LRFN5: variants seen among roughly 807,000 people sequenced by gnomAD.
LRFN5 encodes leucine-rich repeat and fibronectin type-III domain-containing protein 5.
Under a neutral mutation model 45.6 loss-of-function variants are expected in LRFN5, and 24 were observed. The observed-to-expected ratio is 0.53, with a 90% CI of 0.38 to 0.74. The LOEUF (loss-of-function observed/expected upper bound fraction) is 0.74. LRFN5 is among the 30% of genes least tolerant of loss of function. The probability of loss-of-function intolerance (pLI) is 0.00; values close to 1 mark genes in which losing one functional copy is unlikely to be tolerated. For synonymous variants in LRFN5, 340 were observed against 313.8 expected (o/e 1.08, Z -0.88); for missense variants, 776 against 861.5 (o/e 0.90, Z 1.24).
chr14:41,733,051 T>TA (rs1400106040), intron 1 of LRFN5, among the ~76,000 whole-genome samples: 211 of 141,444 alleles, frequency 1.5e-3, no homozygotes, highest in East Asian at 7.2e-3. Flanking sequence ...AAAAGAAAGT[T>TA]AAAAAAAAAA....
At chr14:41,884,759 G>T (rs1181029100) in intron 2 of LRFN5, among the ~76,000 whole-genome samples, 1 of 152,094 alleles carries the variant, frequency 6.6e-6, no homozygotes, top group African/African-American at 2.4e-5. Flanking sequence ...CAGGTTGGGG[G>T]CTCAGATGTT....
intron 1 of LRFN5, among the ~76,000 whole-genome samples, chr14:41,667,375 A>G (rs34764744): frequency 0.066 from 10,076 of 152,222 alleles, 473 homozygotes; most frequent in South Asian, 0.092. Context: ...TAAAGTTGTT[A>G]TATTTTAGCA....
intron 1 of LRFN5, among the ~76,000 whole-genome samples, chr14:41,716,931 AC>A (rs1260755075): frequency 2.0e-5 from 3 of 152,134 alleles, no homozygotes; most frequent in Non-Finnish European, 2.9e-5. Context: ...GTCAGAGCCC[AC>A]CATGGAATCC....
In LRFN5 at chr14:41,887,300, A is replaced by T; in HGVS notation, c.675A>T (p.Ser225=). The change falls in exon 3 of 6, where the codon TCA becomes TCT. Residue 225 remains serine (S), a synonymous_variant. Transcript: ENST00000298119. This position sits in a 1 kb window ranked among gnomAD's most constrained non-coding sequence, Gnocchi z 4.8. ...AGCGAGCTCAGGTACTAGCAACCTC[A>T]GGAATCATAAGCCCATCTACTTTTG... ...LFQRAQVLAT[S]GIISPSTFAL... The T allele has an allele frequency of 6.2e-7, 1 of 1,614,232 alleles. No individual in the cohort carries two copies. The highest frequency in any genetic ancestry group is 2.2e-5 in the East Asian group (1 of 44,874).
chr14:41,767,802 T>G (rs1885940625), intron 2 of LRFN5, among the ~76,000 whole-genome samples: 1 of 152,204 alleles, frequency 6.6e-6, no homozygotes. Flanking sequence ...TTATTTATGG[T>G]CATAGGATTT....
intron 3 of LRFN5, 34 bp from the exon 4 acceptor site, chr14:41,891,216 T>TA: frequency 6.4e-7 from 1 of 1,551,930 alleles, no homozygotes; most frequent in Non-Finnish European, 8.8e-7. Flanking sequence ...TTTGTTTTGT[T>TA]ATTAATATTA....
At chr14:41,784,177 T>C (rs1311988494) in intron 2 of LRFN5, among the ~76,000 whole-genome samples, 4 of 152,152 alleles carry the variant, frequency 2.6e-5, no homozygotes, top group Non-Finnish European at 5.9e-5. Context: ...ACTTGATATA[T>C]TCCAAATGTA....
intron 2 of LRFN5, among the ~76,000 whole-genome samples, chr14:41,781,462 T>C (rs538848598): frequency 1.4e-5 from 2 of 141,486 alleles, no homozygotes; most frequent in East Asian, 2.1e-4. Flanking sequence ...CATGGCACTG[T>C]AGTGAGACCC....
chr14:41,791,464 A>G (rs539913395), intron 2 of LRFN5, among the ~76,000 whole-genome samples: 2 of 152,172 alleles, frequency 1.3e-5, no homozygotes, highest in Admixed American at 1.3e-4. Flanking sequence ...ATAGGCAGTA[A>G]TAGGTAACAA....
intron 1 of LRFN5, among the ~76,000 whole-genome samples, chr14:41,723,448 G>A (rs143675425): frequency 1.3e-3 from 199 of 152,266 alleles, no homozygotes; most frequent in Middle Eastern, 3.4e-3. Context: ...GAGGAAGACA[G>A]GGCCTTCTTG....
At chr14:41,676,283 A>G (rs1261430380) in intron 1 of LRFN5, among the ~76,000 whole-genome samples, 1 of 152,200 alleles carries the variant, frequency 6.6e-6, no homozygotes, top group African/African-American at 2.4e-5. Flanking sequence ...TGTGGTGCTC[A>G]CTGCTAGTGC....
Position 41,887,647 on chromosome 14 carries a change from C to G in LRFN5, c.1022C>G (p.Thr341Arg). The G allele has an allele frequency of 6.2e-7, 1 of 1,614,196 alleles. No homozygotes were observed. The highest frequency in any genetic ancestry group is 8.5e-7 in the Non-Finnish European group (1 of 1,180,040). Residue 341 changes from threonine to arginine, a missense_variant, in exon 3 of 6, where the codon ACA becomes AGA. Thr to Arg is a moderately conservative substitution (Grantham distance 71). Around this residue, in one of 2 missense-constraint regions of LRFN5, gnomAD observed 465 missense variants for 456.4 expected, o/e 1.02. Transcript: ENST00000298119. This position sits in a 1 kb window ranked among gnomAD's most constrained non-coding sequence, Gnocchi z 4.8. ...AGATCTCTGGTGTATGATAACGGAACACTTGACATTCTTATCACAACTGTA... is the reference window on the plus strand; with the variant it reads ...AGATCTCTGGTGTATGATAACGGAAGACTTGACATTCTTATCACAACTGTA... ...ATRSLVYDNGTLDILITTVKD... is the reference protein window; with the variant it reads ...ATRSLVYDNGRLDILITTVKD...
intron 3 of LRFN5, among the ~76,000 whole-genome samples, chr14:41,889,011 ATG>A (rs1555329984): frequency 2.7e-5 from 4 of 148,652 alleles, no homozygotes; most frequent in East Asian, 2.0e-4. Flanking sequence ...ACATATATAT[ATG>A]TGTGTGTATA....
chr14:41,763,668 A>G (rs550840775), intron 1 of LRFN5, among the ~76,000 whole-genome samples: 111 of 152,272 alleles, frequency 7.3e-4, no homozygotes, highest in African/African-American at 2.1e-3. Flanking sequence ...GATTTTATAA[A>G]GGGGAGTTCC....
At chr14:41,852,740 T>C (rs1425944174) in intron 2 of LRFN5, among the ~76,000 whole-genome samples, 1 of 152,010 alleles carries the variant, frequency 6.6e-6, no homozygotes, top group Non-Finnish European at 1.5e-5. Context: ...ACGTCTATGC[T>C]ATCCTTCTTT....
At chr14:41,650,266 C>CACACAAAAAAAAAAAA (rs1247683262) in intron 1 of LRFN5, among the ~76,000 whole-genome samples, 1 of 135,456 alleles carries the variant, frequency 7.4e-6, no homozygotes, top group Non-Finnish European at 1.6e-5. Flanking sequence ...CACACACACA[C>CACACAAAAAAAAAAAA]AAAAAAAAAA....
intron 1 of LRFN5, chr14:41,699,973 G>A (rs1431673836): frequency 1.3e-5 from 2 of 152,066 alleles, no homozygotes. Context: ...TATCTGCCAA[G>A]AATGAGAAAA....
At chr14:41,836,232 G>A (rs971372426) in intron 2 of LRFN5, among the ~76,000 whole-genome samples, 4 of 152,098 alleles carry the variant, frequency 2.6e-5, no homozygotes, top group Admixed American at 6.5e-5. Context: ...CTGAGAACAT[G>A]AATATCTCTG....
At chr14:41,657,022 C>T (rs1198725479) in intron 1 of LRFN5, among the ~76,000 whole-genome samples, 1 of 151,680 alleles carries the variant, frequency 6.6e-6, no homozygotes, top group Non-Finnish European at 1.5e-5. Flanking sequence ...TATTATTATT[C>T]CTAATATATA....
Sources: gnomAD v4.1 joint callset for allele counts (sites outside exome capture counted in the v4.1 genomes callset) on GRCh38, gnomAD v4.1.1 for gene constraint, gnomAD v4.1.1 regional missense constraint, Gnocchi (gnomAD v3.1) non-coding constraint, MANE v1.5 for transcripts, NCBI Gene and HGNC (gene_info 2026-07-23, HGNC 2026-07-21) for gene names.